The following KDM2A variants were observed in gnomAD, a reference collection of about 807,000 sequenced individuals.
KDM2A encodes lysine demethylase 2A, also known as lysine-specific demethylase 2A.
Under a neutral mutation model 137.3 loss-of-function variants are expected in KDM2A, and 3 were observed. The ratio of observed to expected loss-of-function variants is 0.02; its 90% CI spans 0.01 to 0.06. The LOEUF (loss-of-function observed/expected upper bound fraction) is 0.06. Among genes scored for constraint, KDM2A ranks in the 10% least tolerant of loss-of-function variants. The pLI is 1.00. For synonymous variants in KDM2A, 512 were observed against 541.5 expected, an observed-to-expected ratio of 0.95 and a Z score of 0.76; for missense variants, 738 against 1,510.6, an observed-to-expected ratio of 0.49 and a Z score of 8.48.
intron 2 of KDM2A, among the ~76,000 whole-genome samples, chr11:67,178,093 A>T (rs1857009333): frequency 1.3e-5 from 2 of 152,194 alleles, no homozygotes; most frequent in Admixed American, 6.5e-5. Context: ...TTCTCATACC[A>T]TACAGTCTCC....
At chr11:67,225,107 T>C (rs1858498585) in intron 10 of KDM2A, among the ~76,000 whole-genome samples, 1 of 151,930 alleles carries the variant, frequency 6.6e-6, no homozygotes, top group African/African-American at 2.4e-5. Flanking sequence ...GGATTACAGG[T>C]GTGAGCCATC....
chr11:67,139,513 A>G (rs1856046368), intron 2 of KDM2A, among the ~76,000 whole-genome samples: 1 of 151,932 alleles, frequency 6.6e-6, no homozygotes, highest in Non-Finnish European at 1.5e-5. Flanking sequence ...CCAAAGTGCT[A>G]GGATTACAGG....
chr11:67,170,821 G>A (rs1055565165), intron 2 of KDM2A, among the ~76,000 whole-genome samples: 21 of 152,064 alleles, frequency 1.4e-4, no homozygotes, highest in Non-Finnish European at 4.4e-5. Context: ...GGTCGTCCTT[G>A]ACAATTTCTT....
At chr11:67,206,640 G>A (rs894987949) in intron 5 of KDM2A, among the ~76,000 whole-genome samples, 7 of 152,068 alleles carry the variant, frequency 4.6e-5, no homozygotes, top group African/African-American at 1.7e-4. Context: ...GGAGGTTGAG[G>A]CAGGAGAACT....
intron 2 of KDM2A, among the ~76,000 whole-genome samples, chr11:67,172,939 AAAG>A (rs1052739407): frequency 1.3e-4 from 20 of 152,246 alleles, no homozygotes; most frequent in African/African-American, 4.8e-4. Context: ...TCAAAAAAGA[AAAG>A]AAAAAAATTA....
chr11:67,223,052 C>T (rs1477547898), intron 10 of KDM2A, among the ~76,000 whole-genome samples: 1 of 151,912 alleles, frequency 6.6e-6, no homozygotes, highest in East Asian at 1.9e-4. Context: ...ATTAGCCAGG[C>T]GTGGTGGCAC....
chr11:67,145,120 G>C (rs1013231524), intron 2 of KDM2A, among the ~76,000 whole-genome samples: 2 of 147,974 alleles, frequency 1.4e-5, no homozygotes, highest in South Asian at 2.2e-4. Flanking sequence ...GATCTGCCCA[G>C]CTTGGCCTCC....
intron 2 of KDM2A, among the ~76,000 whole-genome samples, chr11:67,153,061 T>C (rs1856432551): frequency 6.6e-6 from 1 of 151,966 alleles, no homozygotes; most frequent in Admixed American, 6.6e-5. Context: ...CTCAGCTCAC[T>C]GCAACGTCTG....
intron 2 of KDM2A, among the ~76,000 whole-genome samples, chr11:67,130,789 G>A (rs1259954908): frequency 6.6e-6 from 1 of 151,806 alleles, no homozygotes; most frequent in Non-Finnish European, 1.5e-5. Context: ...AGTAGGCTAG[G>A]TTCTTTCATA....
intron 12 of KDM2A, among the ~76,000 whole-genome samples, chr11:67,238,932 C>T (rs1383458424): frequency 6.6e-6 from 1 of 152,204 alleles, no homozygotes; most frequent in Non-Finnish European, 1.5e-5. Flanking sequence ...ACCCTCCTTT[C>T]CTCCTGTAGA....
chr11:67,153,279 C>T (rs1372240360), intron 2 of KDM2A, among the ~76,000 whole-genome samples: 4 of 152,074 alleles, frequency 2.6e-5, no homozygotes, highest in Non-Finnish European at 4.4e-5. Flanking sequence ...CCACTGCACC[C>T]GGCTGGTGTG....
chr11:67,224,828 A>ATTTTTTTTT (rs764581976), intron 10 of KDM2A, among the ~76,000 whole-genome samples: 2 of 66,290 alleles, frequency 3.0e-5, no homozygotes, highest in African/African-American at 8.3e-5. Flanking sequence ...CAGCTGCAGC[A>ATTTTTTTTT]TTTTTTTTTT....
chr11:67,253,798 A>G (rs180690687), intron 19 of KDM2A, among the ~76,000 whole-genome samples, 187 bp downstream of exon 19: 1 of 152,336 alleles, frequency 6.6e-6, no homozygotes, highest in East Asian at 1.9e-4. Flanking sequence ...ACTACCTACA[A>G]ACAATGGAGT....
At chr11:67,239,673 GC>G (rs1186194670) in intron 12 of KDM2A, among the ~76,000 whole-genome samples, 2 of 152,212 alleles carry the variant, frequency 1.3e-5, no homozygotes, top group African/African-American at 4.8e-5. Context: ...CAGCCAGAGA[GC>G]TCTGGCAGTA....
chr11:67,119,648 C>T lies in KDM2A; in HGVS notation c.-485C>T, dbSNP rs1671271793. ...GGGGGGCCGGGGCGGCGCGGGGAGC[C>T]TCGGGCCGGCCGGTCTCAGCTGATC... On this transcript the variant is annotated 5_prime_UTR_variant, in exon 1 of 21. Coordinates refer to ENST00000529006, the MANE Select transcript of KDM2A (RefSeq NM_012308.3). 1 of 148,780 alleles carries T rather than the reference C, an allele frequency of 6.7e-6. No individual in the cohort carries two copies. The highest frequency in any genetic ancestry group is 2.4e-5 in the African/African-American group (1 of 41,052). 9.2% of individuals were successfully genotyped at this position (148,780 alleles called of 1,614,324 possible).
chr11:67,133,028 A>G (rs1855887078), intron 2 of KDM2A, among the ~76,000 whole-genome samples: 1 of 152,232 alleles, frequency 6.6e-6, no homozygotes, highest in South Asian at 2.1e-4. Context: ...GATAGAGAAG[A>G]GTACTTAATT....
At chr11:67,217,240 CAAAAAA>C (rs544615414) in intron 8 of KDM2A, among the ~76,000 whole-genome samples, 13 of 50,522 alleles carry the variant, frequency 2.6e-4, no homozygotes, top group African/African-American at 7.3e-4. Flanking sequence ...GAAACTCTGT[CAAAAAA>C]AAAAAAAAAA....
chr11:67,221,372 T>C (rs534231573), intron 10 of KDM2A, among the ~76,000 whole-genome samples: 2 of 152,340 alleles, frequency 1.3e-5, no homozygotes, highest in Admixed American at 6.5e-5. Context: ...TTGAAACTTT[T>C]TGGTAGAATT....
intron 15 of KDM2A, 46 bp from the exon 16 acceptor site, chr11:67,248,235 G>T: frequency 7.5e-7 from 1 of 1,342,148 alleles, no homozygotes; most frequent in Non-Finnish European, 1.1e-6. Context: ...TTGGATAAAG[G>T]AAGCTTGAGA....
Sources: allele counts gnomAD v4.1 joint callset (sites outside exome capture counted in the v4.1 genomes callset), GRCh38; gene constraint gnomAD v4.1.1; transcripts MANE v1.5; gene names NCBI Gene and HGNC (gene_info 2026-07-23, HGNC 2026-07-21).